The following CD63 variants were observed in gnomAD, a reference collection of about 807,000 sequenced individuals.
The protein encoded by CD63 is CD63 molecule.
Under a neutral mutation model 29.2 loss-of-function variants are expected in CD63, and 16 were observed. The ratio of observed to expected loss-of-function variants is 0.55; its 90% CI spans 0.37 to 0.83. The LOEUF (loss-of-function observed/expected upper bound fraction) is 0.83, where lower values mean the gene tolerates loss of function less well. CD63 is among the 40% of genes least tolerant of loss of function. The pLI is 0.00. For missense variants in CD63, 251 were observed against 297.3 expected (o/e 0.84, Z 1.15); for synonymous variants, 118 against 111.7 (o/e 1.06, Z -0.36).
At chr12:55,727,906 A>AG in intron 2 of CD63, 1 of 1,121,604 alleles carries the variant, frequency 8.9e-7, no homozygotes, top group Non-Finnish European at 1.1e-6. Context: ...GGGGCTGGAC[A>AG]GGGATGAGAG....
At position 55,728,494 on chromosome 12, in the gene CD63, C is replaced by A; in HGVS notation, c.-11-142G>T. 1.3e-6 allele frequency: 2 copies of A among 1,481,808 alleles called. No homozygotes were observed. The highest frequency in any genetic ancestry group is 1.8e-6 in the Non-Finnish European group (2 of 1,119,002). The allele number at this position is 1,481,808 out of a possible 1,614,324, so 91.8% of individuals were successfully genotyped here. A position where few individuals can be genotyped will look rare whatever the true frequency, so the allele number is the denominator to read the frequency against. On this transcript the variant is annotated intron_variant, in intron 1 of 7. Coordinates refer to ENST00000257857, the MANE Select transcript of CD63 (RefSeq NM_001780.6). The surrounding 1 kb of genome is among the most constrained non-coding windows in gnomAD (Gnocchi z 4.8). ...ACCCGGAAACCCGCGGTCGGATCCACGTCTCCCAGCCCCCTCTTTACCCGC... is the reference window on the plus strand; with the variant it reads ...ACCCGGAAACCCGCGGTCGGATCCAAGTCTCCCAGCCCCCTCTTTACCCGC...
chr12:55,725,281 C>T, downstream of CD63: 2 of 503,380 alleles, frequency 4.0e-6, no homozygotes, highest in Non-Finnish European at 7.2e-6. Context: ...GGGCAGAAAG[C>T]ACCACAGTCT....
chr12:55,728,328 C>T lies in CD63; in HGVS notation c.14G>A (p.Gly5Glu), dbSNP rs1252668685. 3 of 1,610,716 alleles carry T rather than the reference C, an allele frequency of 1.9e-6. No homozygotes were observed. Among genetic ancestry groups the T allele is most frequent in the Non-Finnish European group, 2.5e-6 (3 of 1,179,162 alleles). Residue 5 changes from glycine to glutamate, a missense_variant, in exon 2 of 8, where the codon GGA becomes GAA. By Grantham distance (98) the Gly-to-Glu change is moderately conservative (BLOSUM62 -2). Coordinates refer to ENST00000257857, the MANE Select transcript of CD63 (RefSeq NM_001780.6). This position sits in a 1 kb window ranked among gnomAD's most constrained non-coding sequence, Gnocchi z 4.8. ...CAAGAACTTCACACATTTCATTCCT[C>T]CTTCCACCGCCATGGCTGCCGGGCC... Reference protein sequence around the residue: MAVEGGMKCVKFLLY... With the variant: MAVEEGMKCVKFLLY...
At chr12:55,729,798 C>T (rs1253068163), upstream of CD63, 1 of 152,244 alleles carries the variant, frequency 6.6e-6, no homozygotes, top group East Asian at 1.9e-4. Context: ...CCAGACAGCT[C>T]CTGCATCCGT....
chr12:55,725,719 C>G (rs1377723740), intron 7 of CD63, 93 bp from the exon 8 acceptor site: 3 of 1,513,796 alleles, frequency 2.0e-6, no homozygotes, highest in Non-Finnish European at 2.8e-6. Context: ...CACTCCCAGG[C>G]CAGTACCTCC....
At chr12:55,724,452 G>A (rs1173194954), downstream of CD63, 136 of 1,613,986 alleles carry the variant, frequency 8.4e-5, no homozygotes, top group South Asian at 1.3e-3. Flanking sequence ...GGGATGCCAA[G>A]CTGCTCTGGC....
At chr12:55,727,935 G>A (rs1056883775) in intron 2 of CD63, 1 of 1,180,254 alleles carries the variant, frequency 8.5e-7, no homozygotes, top group South Asian at 2.3e-5. Context: ...AGGGAGAGAG[G>A]GGAGAAGGGA....
chr12:55,728,288 CAGGAGGACGTAGAGCA>C lies in CD63; in HGVS notation c.38_53del (p.Leu13CysfsTer11), dbSNP rs1017905677. ...CCTCGCCACTCACGCAAAAGGCCAG[CAGGAGGACGTAGAGCA>C]AGAACTTCACACATTTCATTCCTCC... On this transcript the variant is annotated frameshift_variant, in exon 2 of 8. Transcript: ENST00000257857. LOFTEE classifies it high-confidence loss of function. The surrounding 1 kb of genome is among the most constrained non-coding windows in gnomAD (Gnocchi z 4.8). 14 of 1,610,398 alleles carry C rather than the reference CAGGAGGACGTAGAGCA, an allele frequency of 8.7e-6. No individual in the cohort carries two copies. Among genetic ancestry groups the C allele is most frequent in the African/African-American group, 1.3e-5 (1 of 74,894 alleles).
chr12:55,724,642 G>A (rs952608398), downstream of CD63: 8 of 1,099,506 alleles, frequency 7.3e-6, no homozygotes, highest in Admixed American at 3.7e-5. Flanking sequence ...CACAAAATAA[G>A]CACTAACAAA....
Position 55,727,353 on chromosome 12 carries a change from AG to A in CD63, c.67-15del. 1 of 1,608,138 alleles carries A rather than the reference AG, an allele frequency of 6.2e-7. No individual in the cohort carries two copies. Among genetic ancestry groups the A allele is most frequent in the East Asian group, 2.2e-5 (1 of 44,748 alleles). The stretch of plus-strand genomic sequence containing the variant: ...CACTGCACAGGCCTAAGAGAAAATC[AG>A]GTGAGGATTAGGCCATATCCACAAC... On this transcript the variant is annotated splice_polypyrimidine_tract_variant and intron_variant, in intron 2 of 7. Coordinates refer to ENST00000257857, the MANE Select transcript of CD63 (RefSeq NM_001780.6).
intron 7 of CD63, 43 bp downstream of exon 7, chr12:55,725,770 A>G: frequency 6.3e-7 from 1 of 1,586,750 alleles, no homozygotes; most frequent in Non-Finnish European, 8.7e-7. Flanking sequence ...CCCTCCAGGC[A>G]CCCTGGACAG....
Position 55,728,486 on chromosome 12 carries a change from C to G in CD63, c.-11-134G>C. On this transcript the variant is annotated intron_variant, in intron 1 of 7. Transcript: ENST00000257857. This position sits in a 1 kb window ranked among gnomAD's most constrained non-coding sequence, Gnocchi z 4.8. ...CCCCTCCCACCCGGAAACCCGCGGT[C>G]GGATCCACGTCTCCCAGCCCCCTCT... 1 of 1,488,178 alleles carries G rather than the reference C, an allele frequency of 6.7e-7. No individual in the cohort carries two copies. The highest frequency in any genetic ancestry group is 8.9e-7 in the Non-Finnish European group (1 of 1,121,430). The allele number at this position is 1,488,178 out of a possible 1,614,324, so 92.2% of individuals were successfully genotyped here.
intron 2 of CD63, chr12:55,727,789 C>T: frequency 3.9e-6 from 4 of 1,034,216 alleles, no homozygotes; most frequent in Non-Finnish European, 4.6e-6. Context: ...TGTGTCCCTC[C>T]CTAGACAAAC....
At position 55,725,544 on chromosome 12, in the gene CD63, C is replaced by A; in HGVS notation, c.*17G>T. The stretch of plus-strand genomic sequence containing the variant: ...TATTCCACTCCCCCAGATGAGGAGG[C>A]TGAGGAGACCAGACCCCTACATCAC... On this transcript the variant is annotated 3_prime_UTR_variant, in exon 8 of 8. Coordinates refer to ENST00000257857, the MANE Select transcript of CD63 (RefSeq NM_001780.6). The A allele has an allele frequency of 6.2e-7, 1 of 1,604,382 alleles. No homozygotes were observed. Among genetic ancestry groups the A allele is most frequent in the Non-Finnish European group, 8.5e-7 (1 of 1,171,182 alleles).
Position 55,727,317 on chromosome 12 carries a change from G to T in CD63, c.89C>A (p.Ala30Asp), listed in dbSNP as rs771912345. ...AFCACAVGLI[A>D]VGVGAQLVLS... ...GACAAGCTGTGCCCCGACACCCACGGCAATCAGTCCCACTGCACAGGCCTA... is the reference window on the plus strand; with the variant it reads ...GACAAGCTGTGCCCCGACACCCACGTCAATCAGTCCCACTGCACAGGCCTA... The change falls in exon 3 of 8, where the codon GCC becomes GAC. Residue 30 changes from alanine to aspartate, a missense_variant. By Grantham distance (126) the Ala-to-Asp change is moderately radical. Transcript: ENST00000257857. 6.2e-7 allele frequency: 1 copy of T among 1,613,596 alleles called. No individual in the cohort carries two copies. The highest frequency in any genetic ancestry group is 1.1e-5 in the South Asian group (1 of 91,076).
At chr12:55,730,018 C>T (rs111680459), upstream of CD63, 2 of 152,760 alleles carry the variant, frequency 1.3e-5, 1 homozygote, top group Middle Eastern at 6.2e-3. Context: ...GTCACACCCC[C>T]ACACCTCCAG....
rs1877194835 is a variant in CD63 at position 55,725,461 on chromosome 12, G to GACCAT, written c.*95_*99dup. The GACCAT allele has an allele frequency of 5.1e-6, 5 of 973,084 alleles. No individual in the cohort carries two copies. Among genetic ancestry groups the GACCAT allele is most frequent in the Non-Finnish European group, 8.3e-6 (5 of 602,640 alleles). 60.3% of individuals were successfully genotyped at this position (973,084 alleles called of 1,614,324 possible). ...CAAGCATCACTCTAAGACAAACTCA[G>GACCAT]ACCATCTCTTTTCGGTCTGAAAAAA... On this transcript the variant is annotated 3_prime_UTR_variant, in exon 8 of 8. Coordinates refer to ENST00000257857, the MANE Select transcript of CD63 (RefSeq NM_001780.6).
chr12:55,726,630 T>C lies in CD63; in HGVS notation c.426+70A>G, dbSNP rs2231467. The C allele has an allele frequency of 6.7e-3, 8,376 of 1,251,534 alleles. 349 individuals are homozygous for C. The African/African-American group carries it at 0.094, about 14-fold the overall frequency. 77.5% of individuals were successfully genotyped at this position (1,251,534 alleles called of 1,614,324 possible). ...AAAGTGCTGAGATTACAGGCGTGAG[T>C]CACCACACCCAGCCTTGGAGATGAG... On this transcript the variant is annotated intron_variant, in intron 5 of 7. Coordinates refer to ENST00000257857, the MANE Select transcript of CD63 (RefSeq NM_001780.6).
At chr12:55,724,216 C>A (rs926512241), downstream of CD63, 3 of 1,447,794 alleles carry the variant, frequency 2.1e-6, no homozygotes, top group Non-Finnish European at 1.9e-6. Context: ...ACTCCCCACA[C>A]TGAGGAGGGG....
Sources: allele counts gnomAD v4.1 joint callset, GRCh38; gene constraint gnomAD v4.1.1; non-coding constraint Gnocchi (gnomAD v3.1); transcripts MANE v1.5; gene names NCBI Gene and HGNC (gene_info 2026-07-23, HGNC 2026-07-21).